RNF128: variants seen among roughly 807,000 people sequenced by gnomAD.
RNF128 encodes E3 ubiquitin-protein ligase RNF128.
RNF128 carries 13 observed loss-of-function variants against 26.2 expected under a neutral mutation model. That is an observed-to-expected ratio of 0.50 (90% CI 0.32 to 0.79). The LOEUF is 0.79. Ranked by LOEUF, RNF128 falls within the 30% of genes least tolerant of loss-of-function variation. The pLI, the probability that RNF128 is intolerant of heterozygous loss-of-function variation, is 0.03. For synonymous variants in RNF128, 149 were observed against 142.5 expected, an observed-to-expected ratio of 1.05 and a Z score of -0.32; for missense variants, 315 against 349.7, an observed-to-expected ratio of 0.90 and a Z score of 0.79.
intron 1 of RNF128, among the ~76,000 whole-genome samples, chrX:106,728,624 G>A (rs1929449973): frequency 9.0e-6 from 1 of 111,659 alleles, no homozygotes; most frequent in Non-Finnish European, 1.9e-5. Context: ...GACTGAACCT[G>A]CCTAGAGAGC....
intron 3 of RNF128, 69 bp from the exon 4 acceptor site, chrX:106,787,849 C>G: frequency 1.4e-6 from 1 of 734,537 alleles, no homozygotes; most frequent in Non-Finnish European, 2.1e-6. Context: ...CATGTATGTT[C>G]TGATCTTGTT....
At chrX:106,699,441 G>C (rs1411330725) in intron 1 of RNF128, among the ~76,000 whole-genome samples, 1 of 110,447 alleles carries the variant, frequency 9.1e-6, no homozygotes, top group African/African-American at 3.3e-5. Flanking sequence ...ACATAACACT[G>C]CCTCCAAAAT....
In RNF128 at chrX:106,699,930, A is replaced by G. The variant is rs191416393; in HGVS notation, c.406+5522A>G. Among the ~76,000 whole-genome samples, 306 of 111,755 alleles carry G rather than the reference A, an allele frequency of 2.7e-3. 5 individuals carry two copies. The Admixed American group carries it at 0.028, about 10-fold the overall frequency. Reference sequence around the variant, plus strand: ...TCTAACGGGTCTCCCTTGACCTTATACATATTATTTTCTATCAAAACCTTC... The same window carrying G: ...TCTAACGGGTCTCCCTTGACCTTATGCATATTATTTTCTATCAAAACCTTC... On this transcript the variant is annotated intron_variant, in intron 1 of 6. Coordinates refer to the RNF128 transcript ENST00000324342.
intron 1 of RNF128, among the ~76,000 whole-genome samples, chrX:106,763,785 A>G (rs2147688808): frequency 8.9e-6 from 1 of 112,604 alleles, no homozygotes; most frequent in South Asian, 3.7e-4. Flanking sequence ...CTGGAATTAA[A>G]GGCGTGGGCC....
chrX:106,703,324 C>T (rs1372726304), intron 1 of RNF128, among the ~76,000 whole-genome samples: 1 of 111,624 alleles, frequency 9.0e-6, no homozygotes, highest in Non-Finnish European at 1.9e-5. Flanking sequence ...ATTGTAAGTA[C>T]TCTGTTAACT....
chrX:106,705,745 A>G (rs908711415), intron 1 of RNF128, among the ~76,000 whole-genome samples: 11 of 112,169 alleles, frequency 9.8e-5, no homozygotes, highest in African/African-American at 3.6e-4. Context: ...TAGCAAGATT[A>G]GCTGCAGTTG....
chrX:106,779,640 C>G (rs1220503246), intron 2 of RNF128, among the ~76,000 whole-genome samples: 1 of 110,853 alleles, frequency 9.0e-6, no homozygotes, highest in African/African-American at 3.3e-5. Flanking sequence ...TATAACCTAT[C>G]TACTGAGTCA....
chrX:106,717,978 T>A (rs1422447918), intron 1 of RNF128, among the ~76,000 whole-genome samples: 1 of 112,021 alleles, frequency 8.9e-6, no homozygotes, highest in African/African-American at 3.2e-5. Flanking sequence ...AATTGATTAT[T>A]GCCTCTGTCT....
intron 1 of RNF128, among the ~76,000 whole-genome samples, chrX:106,743,223 G>C (rs368861095): frequency 7.7e-4 from 87 of 112,425 alleles, no homozygotes; most frequent in African/African-American, 2.5e-3. Context: ...CCAATGATAA[G>C]ATTTAAGTTT....
intron 6 of RNF128, among the ~76,000 whole-genome samples, chrX:106,793,583 C>T (rs1049089199): frequency 1.8e-5 from 2 of 110,978 alleles, no homozygotes; most frequent in African/African-American, 6.5e-5. Context: ...CTTTTTCTGT[C>T]CCAGGATCCC....
At chrX:106,715,636 C>G (rs1009358964) in intron 1 of RNF128, among the ~76,000 whole-genome samples, 8 of 111,838 alleles carry the variant, frequency 7.2e-5, no homozygotes, top group Non-Finnish European at 9.4e-5. Flanking sequence ...TGAGAGAATA[C>G]AACTGGAGAT....
intron 2 of RNF128, 126 bp downstream of exon 2, chrX:106,773,286 GGTA>G (rs756706411): frequency 7.3e-5 from 50 of 681,714 alleles, no homozygotes; most frequent in Admixed American, 2.0e-4. Flanking sequence ...TACAAAATCT[GGTA>G]GTTTTTAAAA....
chrX:106,694,859 G>A (rs936538759), intron 1 of RNF128, among the ~76,000 whole-genome samples: 1 of 111,615 alleles, frequency 9.0e-6, no homozygotes, highest in South Asian at 3.7e-4. Flanking sequence ...TGTGTAAAAT[G>A]TTATAGAAAT....
intron 1 of RNF128, among the ~76,000 whole-genome samples, chrX:106,714,259 G>A (rs1362657128): frequency 9.1e-6 from 1 of 110,145 alleles, no homozygotes; most frequent in Non-Finnish European, 1.9e-5. Flanking sequence ...CTAGAAACAC[G>A]GTGATTTTTT....
At chrX:106,744,258 G>T (rs1056787064) in intron 1 of RNF128, among the ~76,000 whole-genome samples, 2 of 110,983 alleles carry the variant, frequency 1.8e-5, no homozygotes, top group African/African-American at 6.6e-5. Flanking sequence ...ATAAAAAAAA[G>T]ATTTCCTTCT....
intron 4 of RNF128, among the ~76,000 whole-genome samples, 162 bp downstream of exon 4, chrX:106,788,162 C>T (rs1243536415): frequency 1.1e-5 from 1 of 94,016 alleles, no homozygotes; most frequent in Non-Finnish European, 2.1e-5. Context: ...TATTTTTATT[C>T]ATTTCTTAAT....
At chrX:106,783,528 A>C (rs1206953078) in intron 2 of RNF128, among the ~76,000 whole-genome samples, 3 of 111,265 alleles carry the variant, frequency 2.7e-5, no homozygotes, top group Admixed American at 9.7e-5. Flanking sequence ...AGCTGCTTAC[A>C]TTCTCCCAAA....
intron 1 of RNF128, among the ~76,000 whole-genome samples, chrX:106,768,993 C>T (rs1930311459): frequency 8.9e-6 from 1 of 111,989 alleles, no homozygotes; most frequent in South Asian, 3.7e-4. Context: ...CATTCAGGAG[C>T]AGGTTGTTCA....
chrX:106,703,367 C>G (rs1048240269), intron 1 of RNF128, among the ~76,000 whole-genome samples: 2 of 111,569 alleles, frequency 1.8e-5, no homozygotes, highest in Non-Finnish European at 3.8e-5. Flanking sequence ...TGTAATCATC[C>G]CAACAACTGC....
Sources: allele counts gnomAD v4.1 joint callset (sites outside exome capture counted in the v4.1 genomes callset), GRCh38; gene constraint gnomAD v4.1.1; transcripts MANE v1.5; gene names NCBI Gene and HGNC (gene_info 2026-07-23, HGNC 2026-07-21).